Variants in PEAK1 observed in about 807,000 individuals in gnomAD.
PEAK1 encodes inactive tyrosine-protein kinase PEAK1.
Under a neutral mutation model 124.7 loss-of-function variants are expected in PEAK1, and 54 were observed. That is an observed-to-expected ratio of 0.43 (90% CI 0.35 to 0.54). PEAK1 has a LOEUF of 0.54. Among genes scored for constraint, PEAK1 ranks in the 20% least tolerant of loss-of-function variants. PEAK1 has a pLI of 0.01. For missense variants in PEAK1, 2,046 were observed against 2,134.5 expected (o/e 0.96, Z 0.82); for synonymous variants, 719 against 760.0 (o/e 0.95, Z 0.89).
intron 8 of PEAK1, among the ~76,000 whole-genome samples, chr15:77,151,152 C>T (rs1397783235): frequency 6.6e-6 from 1 of 152,106 alleles, no homozygotes; most frequent in African/African-American, 2.4e-5. Context: ...GTTCCTGTTT[C>T]TCCACATCCT....
chr15:77,293,261 C>T (rs528882754), intron 2 of PEAK1, among the ~76,000 whole-genome samples: 23 of 152,218 alleles, frequency 1.5e-4, no homozygotes, highest in Non-Finnish European at 2.5e-4. Context: ...GTTACTGCCA[C>T]TGTTCTCTTT....
intron 2 of PEAK1, among the ~76,000 whole-genome samples, chr15:77,308,853 G>A (rs2064259629): frequency 6.6e-6 from 1 of 152,036 alleles, no homozygotes; most frequent in Non-Finnish European, 1.5e-5. Flanking sequence ...TTATTGAGAT[G>A]CTGTGGATAC....
intron 6 of PEAK1, among the ~76,000 whole-genome samples, chr15:77,208,189 CT>C (rs1451915847): frequency 2.6e-5 from 4 of 152,142 alleles, no homozygotes; most frequent in Non-Finnish European, 5.9e-5. Context: ...ATACAATAAT[CT>C]TGAGGGGCAG....
At chr15:77,306,108 T>C (rs557279665) in intron 2 of PEAK1, among the ~76,000 whole-genome samples, 2 of 152,324 alleles carry the variant, frequency 1.3e-5, no homozygotes, top group South Asian at 4.1e-4. Context: ...TAGCAAAGAT[T>C]AGTACATATG....
chr15:77,352,567 T>C lies in PEAK1; in HGVS notation c.-603+12596A>G, dbSNP rs915764920. 22 of 946,914 alleles carry C rather than the reference T, an allele frequency of 2.3e-5. No homozygotes were observed. The East Asian group carries it at 1.5e-3, about 65-fold the overall frequency. 58.7% of individuals were successfully genotyped at this position (946,914 alleles called of 1,614,324 possible). On this transcript the variant is annotated intron_variant, in intron 2 of 9. Coordinates refer to ENST00000682557, the MANE Select transcript of PEAK1 (RefSeq NM_001385026.1). ...ATATATATACTTTAGAAATATGTCA[T>C]TTTTTAATATATATAAAACTACAAA...
At chr15:77,379,330 C>T (rs1021012257) in intron 1 of PEAK1, among the ~76,000 whole-genome samples, 1 of 152,046 alleles carries the variant, frequency 6.6e-6, no homozygotes, top group Non-Finnish European at 1.5e-5. Flanking sequence ...ACTAAAAAGT[C>T]GTAAGAGAAT....
At chr15:77,210,289 G>A (rs956383460) in intron 6 of PEAK1, among the ~76,000 whole-genome samples, 2 of 152,128 alleles carry the variant, frequency 1.3e-5, no homozygotes, top group African/African-American at 4.8e-5. Flanking sequence ...GTAATATATT[G>A]ATGGACAAGT....
At chr15:77,402,468 A>G (rs2071456001) in intron 1 of PEAK1, 1 of 983,166 alleles carries the variant, frequency 1.0e-6, no homozygotes, top group Non-Finnish European at 1.2e-6. Flanking sequence ...GTAATGTGCC[A>G]TATTTTCTCA....
intron 5 of PEAK1, among the ~76,000 whole-genome samples, chr15:77,254,675 TTC>T (rs2061042600): frequency 6.6e-6 from 1 of 152,082 alleles, no homozygotes; most frequent in South Asian, 2.1e-4. Context: ...TCAAGCTATC[TTC>T]CCACCACAGC....
intron 6 of PEAK1, among the ~76,000 whole-genome samples, chr15:77,249,428 G>A (rs2060742122): frequency 6.6e-6 from 1 of 152,182 alleles, no homozygotes; most frequent in African/African-American, 2.4e-5. Context: ...TAGTGGCCAT[G>A]ATAGTTCACA....
At chr15:77,402,686 C>G in intron 1 of PEAK1, 1 of 985,264 alleles carries the variant, frequency 1.0e-6, no homozygotes, top group South Asian at 4.7e-5. Context: ...TTAATGGTTC[C>G]TAGTACACTG....
At chr15:77,252,072 A>G (rs2060908206) in intron 6 of PEAK1, among the ~76,000 whole-genome samples, 1 of 152,248 alleles carries the variant, frequency 6.6e-6, no homozygotes, top group African/African-American at 2.4e-5. Flanking sequence ...TCATGGGCTA[A>G]GCTCTGCTTT....
At chr15:77,240,041 G>C in intron 6 of PEAK1, 1 of 169,848 alleles carries the variant, frequency 5.9e-6, no homozygotes, top group Non-Finnish European at 1.2e-5. Context: ...TGTCTTCCAG[G>C]CAGGAAATTA....
chr15:77,249,589 T>C (rs571432845), intron 6 of PEAK1, among the ~76,000 whole-genome samples: 1 of 152,330 alleles, frequency 6.6e-6, no homozygotes, highest in South Asian at 2.1e-4. Context: ...TATGTAAATG[T>C]AGATGGTCTG....
chr15:77,354,550 C>T (rs753626994), intron 2 of PEAK1, among the ~76,000 whole-genome samples: 1 of 152,166 alleles, frequency 6.6e-6, no homozygotes, highest in African/African-American at 2.4e-5. Context: ...CCCTTTGATA[C>T]AGCTTACAGG....
chr15:77,313,652 A>ATGTGTGTGTGTGTGTGTGTG (rs775220459), intron 2 of PEAK1, among the ~76,000 whole-genome samples: 2 of 90,602 alleles, frequency 2.2e-5, no homozygotes, highest in South Asian at 3.7e-4. Context: ...GTATGTATGT[A>ATGTGTGTGTGTGTGTGTGTG]TGTGTGTGTG....
At chr15:77,384,100 G>C (rs2069714152) in intron 1 of PEAK1, among the ~76,000 whole-genome samples, 1 of 151,958 alleles carries the variant, frequency 6.6e-6, no homozygotes, top group South Asian at 2.1e-4. Context: ...TTATTTACCT[G>C]AGGGAGGGTA....
chr15:77,201,939 C>T (rs555346332), intron 6 of PEAK1, among the ~76,000 whole-genome samples: 3 of 152,290 alleles, frequency 2.0e-5, no homozygotes, highest in South Asian at 2.1e-4. Context: ...AGATGTCATA[C>T]TTAGATCACA....
intron 2 of PEAK1, chr15:77,346,165 A>C (rs1019600692): frequency 3.1e-6 from 3 of 979,816 alleles, no homozygotes; most frequent in Middle Eastern, 5.2e-4. Flanking sequence ...AATACCAATA[A>C]ATAAATTATT....
Sources: gnomAD v4.1 joint callset for allele counts (sites outside exome capture counted in the v4.1 genomes callset) on GRCh38, gnomAD v4.1.1 for gene constraint, MANE v1.5 for transcripts, NCBI Gene and HGNC (gene_info 2026-07-23, HGNC 2026-07-21) for gene names.